The following FEZ2 variants were observed in gnomAD, a reference collection of about 807,000 sequenced individuals.
The protein encoded by FEZ2 is fasciculation and elongation protein zeta-2.
A neutral mutation model predicts 40.4 loss-of-function variants in FEZ2; 51 were observed. The observed-to-expected ratio is 1.26, with a 90% CI of 1.01 to 1.59. The LOEUF (loss-of-function observed/expected upper bound fraction) is 1.59. Among genes scored for constraint, FEZ2 ranks in the 40% most tolerant of loss-of-function variants. The pLI, the probability that FEZ2 is intolerant of heterozygous loss-of-function variation, is 0.00. For missense variants in FEZ2, 640 were observed against 438.3 expected (o/e 1.46, Z -4.11); for synonymous variants, 242 against 172.0 (o/e 1.41, Z -3.18).
intron 5 of FEZ2, among the ~76,000 whole-genome samples, chr2:36,570,227 A>G (rs958441113): frequency 2.0e-5 from 3 of 149,120 alleles, no homozygotes; most frequent in African/African-American, 7.3e-5. Flanking sequence ...AATTTTTTTA[A>G]AAAAACAGAT....
chr2:36,573,157 A>T (rs1426659129), intron 5 of FEZ2, among the ~76,000 whole-genome samples: 1 of 152,202 alleles, frequency 6.6e-6, no homozygotes. Context: ...AACAGAAAAG[A>T]CTATCGATTC....
intron 1 of FEZ2, among the ~76,000 whole-genome samples, chr2:36,595,119 C>T (rs960679466): frequency 4.6e-5 from 7 of 152,242 alleles, no homozygotes; most frequent in African/African-American, 7.2e-5. Flanking sequence ...AACCTCAGTA[C>T]GTAAATACAA....
intron 5 of FEZ2, among the ~76,000 whole-genome samples, chr2:36,569,649 T>C (rs146899220): frequency 6.6e-6 from 1 of 152,350 alleles, no homozygotes; most frequent in African/African-American, 2.4e-5. Flanking sequence ...ACACACAGCA[T>C]ATTCACCAGT....
At chr2:36,565,484 A>G (rs1260430578) in intron 5 of FEZ2, among the ~76,000 whole-genome samples, 1 of 152,124 alleles carries the variant, frequency 6.6e-6, no homozygotes, top group Non-Finnish European at 1.5e-5. Flanking sequence ...AGCTTTCACC[A>G]TAATGAGCAG....
At chr2:36,575,021 G>A (rs1006986939) in intron 5 of FEZ2, among the ~76,000 whole-genome samples, 9 of 152,166 alleles carry the variant, frequency 5.9e-5, no homozygotes, top group Admixed American at 5.9e-4. Context: ...CTTCCCAACA[G>A]CATCACCATC....
intron 1 of FEZ2, among the ~76,000 whole-genome samples, chr2:36,596,106 G>C (rs911764208): frequency 7.9e-5 from 12 of 152,164 alleles, no homozygotes; most frequent in Non-Finnish European, 1.3e-4. Flanking sequence ...TTCCAAAAAT[G>C]TCATCTTTTG....
intron 5 of FEZ2, among the ~76,000 whole-genome samples, chr2:36,574,822 C>A (rs1019638309): frequency 1.3e-5 from 2 of 152,162 alleles, no homozygotes; most frequent in African/African-American, 4.8e-5. Context: ...TCTAACCCCC[C>A]ATCCTCTGCT....
chr2:36,568,775 G>A (rs772179362), intron 5 of FEZ2, among the ~76,000 whole-genome samples: 1 of 152,190 alleles, frequency 6.6e-6, no homozygotes, highest in African/African-American at 2.4e-5. Flanking sequence ...CAGTATTTAC[G>A]CTGAGAATAC....
At chr2:36,553,900 G>A (rs959941545) in intron 7 of FEZ2, among the ~76,000 whole-genome samples, 1 of 152,164 alleles carries the variant, frequency 6.6e-6, no homozygotes, top group Non-Finnish European at 1.5e-5. Context: ...CCAAGGAAGA[G>A]GAACAGTTAA....
chr2:36,552,866 C>T lies in FEZ2; in HGVS notation c.*297G>A, dbSNP rs1667853233. ...CCATAAAAACAAATGGGCATACTGT[C>T]AGTTAATGAGAAATACAACTGCACA... On this transcript the variant is annotated 3_prime_UTR_variant, in exon 8 of 8. Transcript: ENST00000405912. 2.9e-6 allele frequency: 1 copy of T among 344,896 alleles called. No homozygotes were observed. Among genetic ancestry groups the T allele is most frequent in the Non-Finnish European group, 5.2e-6 (1 of 191,730 alleles). 21.4% of individuals were successfully genotyped at this position (344,896 alleles called of 1,614,324 possible). A position where few individuals can be genotyped will look rare whatever the true frequency, so the allele number is the denominator to read the frequency against.
At chr2:36,568,697 T>C (rs1224199760) in intron 5 of FEZ2, among the ~76,000 whole-genome samples, 2 of 152,212 alleles carry the variant, frequency 1.3e-5, no homozygotes, top group Non-Finnish European at 2.9e-5. Context: ...TTGCCCTCAC[T>C]ACTGACAAAT....
chr2:36,583,512 T>A (rs1305646892), intron 2 of FEZ2, 43 bp from the exon 3 acceptor site: 2 of 1,025,976 alleles, frequency 1.9e-6, no homozygotes, highest in African/African-American at 3.2e-5. Context: ...GACATCCTCA[T>A]CAAAACAAAG....
At chr2:36,571,772 A>C (rs1483913727) in intron 5 of FEZ2, among the ~76,000 whole-genome samples, 3 of 151,772 alleles carry the variant, frequency 2.0e-5, no homozygotes, top group African/African-American at 4.8e-5. Flanking sequence ...TTGGGAGTCC[A>C]GGGCAGGTGG....
intron 2 of FEZ2, among the ~76,000 whole-genome samples, chr2:36,586,557 G>A (rs1165887921): frequency 6.6e-6 from 1 of 151,578 alleles, no homozygotes; most frequent in East Asian, 1.9e-4. Context: ...AGCCCAGGAG[G>A]TGGAGGTTGC....
At chr2:36,568,532 C>T (rs887048557) in intron 5 of FEZ2, among the ~76,000 whole-genome samples, 2 of 152,130 alleles carry the variant, frequency 1.3e-5, no homozygotes, top group Non-Finnish European at 1.5e-5. Context: ...AATTCTGAAT[C>T]TGAAGTTATT....
intron 1 of FEZ2, 192 bp from the exon 2 acceptor site, chr2:36,591,203 G>T: frequency 1.7e-6 from 1 of 582,186 alleles, no homozygotes; most frequent in Non-Finnish European, 3.1e-6. Context: ...ACATAACTGG[G>T]CTGACAAGAA....
Position 36,581,311 on chromosome 2 carries a change from T to C in FEZ2, c.613A>G (p.Ser205Gly), listed in dbSNP as rs549846320. ...TTACTCTCTTCATAACTGCCGGTAC[T>C]AGACCTCTTGAGAGTTTGAATTTCC... ...SQEIQTLKRSSTGSYEERVKR... is the reference protein window; with the variant it reads ...SQEIQTLKRSGTGSYEERVKR... The change falls in exon 4 of 8, where the codon AGT becomes GGT. Residue 205 changes from serine (S) to glycine (G), a missense_variant. Transcript: ENST00000405912. 4.0e-5 allele frequency: 64 copies of C among 1,613,886 alleles called. No homozygotes were observed. In the South Asian group the frequency reaches 6.3e-4, roughly 16 times the overall value.
intron 2 of FEZ2, among the ~76,000 whole-genome samples, chr2:36,583,699 T>C (rs1412188788): frequency 6.6e-6 from 1 of 152,128 alleles, no homozygotes; most frequent in East Asian, 1.9e-4. Flanking sequence ...ATAAGACTGC[T>C]ATAAAAGCTG....
chr2:36,561,887 A>T (rs1470916816), intron 5 of FEZ2, among the ~76,000 whole-genome samples: 1 of 152,240 alleles, frequency 6.6e-6, no homozygotes, highest in Non-Finnish European at 1.5e-5. Flanking sequence ...GGTCATCAAG[A>T]AATACATATA....
Sources: allele counts gnomAD v4.1 joint callset (sites outside exome capture counted in the v4.1 genomes callset), GRCh38; gene constraint gnomAD v4.1.1; transcripts MANE v1.5; gene names NCBI Gene and HGNC (gene_info 2026-07-23, HGNC 2026-07-21).